Variants in KIAA1217 observed in about 807,000 individuals in gnomAD.
The protein encoded by KIAA1217 is KIAA1217, also known as sickle tail protein homolog.
KIAA1217 carries 88 observed loss-of-function variants against 163.9 expected under a neutral mutation model. That is an observed-to-expected ratio of 0.54 (90% CI 0.45 to 0.64). KIAA1217 has a LOEUF of 0.64. KIAA1217 is among the 30% of genes least tolerant of loss of function. The probability of loss-of-function intolerance (pLI) is 0.00; values close to 1 mark genes in which losing one functional copy is unlikely to be tolerated. For synonymous variants in KIAA1217, 903 were observed against 923.1 expected (o/e 0.98, Z 0.39); for missense variants, 2,372 against 2,475.0 (o/e 0.96, Z 0.88).
chr10:24,479,740 C>T (rs999915336), intron 6 of KIAA1217, among the ~76,000 whole-genome samples: 2 of 152,164 alleles, frequency 1.3e-5, no homozygotes, highest in African/African-American at 4.8e-5. Flanking sequence ...TTTTGTGCTG[C>T]ATCATAGCAT....
At chr10:24,427,109 CT>C (rs1429998094) in intron 3 of KIAA1217, among the ~76,000 whole-genome samples, 1 of 152,040 alleles carries the variant, frequency 6.6e-6, no homozygotes, top group Non-Finnish European at 1.5e-5. Context: ...TGAAAGAACC[CT>C]TCAGTGTTCA....
chr10:24,543,865 A>G lies in KIAA1217; in HGVS notation c.4595A>G (p.Asn1532Ser). Reference sequence around the variant, plus strand: ...CACTCCCTGGCCACAGAGACCAGAAACCCAGGAGGACAGGAAATGAACAGA... The same window carrying G: ...CACTCCCTGGCCACAGAGACCAGAAGCCCAGGAGGACAGGAAATGAACAGA... The part of the protein sequence containing the change: ...QPHSLATETR[N>S]PGGQEMNRTE... The change falls in exon 19 of 21, where the codon AAC becomes AGC. Residue 1532 changes from asparagine (N) to serine (S), a missense_variant. Physicochemically the swap from Asn to Ser is conservative, Grantham distance 46. Around this residue, in one of 3 missense-constraint regions of KIAA1217, gnomAD observed 690 missense variants for 677.5 expected, o/e 1.02. Coordinates refer to ENST00000376454, the MANE Select transcript of KIAA1217 (RefSeq NM_019590.5). 1.2e-6 allele frequency: 2 copies of G among 1,614,106 alleles called. No homozygotes were observed. The highest frequency in any genetic ancestry group is 1.7e-6 in the Non-Finnish European group (2 of 1,180,030).
chr10:24,291,783 G>A (rs76819085), intron 2 of KIAA1217, among the ~76,000 whole-genome samples: 2,508 of 152,114 alleles, frequency 0.016, 63 homozygotes, highest in African/African-American at 0.057. Flanking sequence ...AAAATCTAAG[G>A]ATTACATTTC....
At chr10:24,405,540 C>G (rs2057115306) in intron 3 of KIAA1217, among the ~76,000 whole-genome samples, 2 of 152,114 alleles carry the variant, frequency 1.3e-5, no homozygotes, top group Non-Finnish European at 2.9e-5. Context: ...TAAAAGTCCT[C>G]CTATTTTCTA....
At chr10:24,134,329 G>C (rs2063759186) in intron 2 of KIAA1217, among the ~76,000 whole-genome samples, 1 of 152,180 alleles carries the variant, frequency 6.6e-6, no homozygotes, top group Non-Finnish European at 1.5e-5. Context: ...AGAGCAATTA[G>C]TTCCATTTGG....
At chr10:24,455,580 A>C (rs1290298856) in intron 5 of KIAA1217, among the ~76,000 whole-genome samples, 2 of 152,222 alleles carry the variant, frequency 1.3e-5, no homozygotes, top group Non-Finnish European at 2.9e-5. Context: ...CTAAACACAT[A>C]TCTTGAGCTA....
At chr10:24,073,904 T>C (rs917648077) in intron 2 of KIAA1217, among the ~76,000 whole-genome samples, 6 of 152,036 alleles carry the variant, frequency 3.9e-5, no homozygotes, top group African/African-American at 1.2e-4. Context: ...GTTTCTGTAG[T>C]AGGTGGGGAG....
intron 1 of KIAA1217, among the ~76,000 whole-genome samples, chr10:23,965,344 G>T (rs545554321): frequency 1.3e-5 from 2 of 152,348 alleles, no homozygotes; most frequent in Admixed American, 1.3e-4. Context: ...CTAACTGAGT[G>T]CAGTCTCACT....
At chr10:24,278,169 C>CTA (rs2077517453) in intron 2 of KIAA1217, among the ~76,000 whole-genome samples, 1 of 152,184 alleles carries the variant, frequency 6.6e-6, no homozygotes, top group Non-Finnish European at 1.5e-5. Flanking sequence ...TGGAGAAGCA[C>CTA]ATTACAGCCA....
chr10:23,716,847 C>A lies in KIAA1217; in HGVS notation c.-321+21613C>A, dbSNP rs78885034. On this transcript the variant is annotated intron_variant, in intron 1 of 18. Transcript: ENST00000376462. ...AATTATTGCTTTATAAAGTAGACCC[C>A]AATTTACTACATCACGTTTTTTCTT... is the stretch of plus-strand genomic sequence containing the variant. Among the ~76,000 whole-genome samples, 469 of 152,228 alleles carry A rather than the reference C, an allele frequency of 3.1e-3. 17 individuals carry two copies. The East Asian group carries it at 0.082, about 27-fold the overall frequency.
chr10:24,545,897 T>C lies in KIAA1217; in HGVS notation c.5405T>C (p.Ile1802Thr), dbSNP rs1433162282. The change falls in exon 21 of 21, where the codon ATT (isoleucine) becomes ACT (threonine). Residue 1802 changes from isoleucine (I) to threonine (T), a missense_variant. Physicochemically the swap from Ile to Thr is moderately conservative, Grantham distance 89. This residue lies in a region of KIAA1217 where 690 missense variants were observed against 677.5 expected (regional missense o/e 1.02). Coordinates refer to ENST00000376454, the MANE Select transcript of KIAA1217 (RefSeq NM_019590.5). ...PTSPSLPASK[I>T]PALSPSSGKS... ...TCCCCCTCCTTACCTGCTTCTAAGA[T>C]TCCAGCCCTTTCTCCCAGCTCTGGG... 1.9e-6 allele frequency: 3 copies of C among 1,614,082 alleles called. No homozygotes were observed. Among genetic ancestry groups the C allele is most frequent in the African/African-American group, 2.7e-5 (2 of 75,030 alleles).
intron 2 of KIAA1217, among the ~76,000 whole-genome samples, chr10:24,312,304 A>G (rs1193397967): frequency 6.6e-6 from 1 of 150,528 alleles, no homozygotes; most frequent in Non-Finnish European, 1.5e-5. Context: ...TTCATGTCAT[A>G]GATTTAAAAA....
chr10:23,812,249 G>C (rs1837099296), intron 1 of KIAA1217, among the ~76,000 whole-genome samples: 1 of 152,104 alleles, frequency 6.6e-6, no homozygotes, highest in African/African-American at 2.4e-5. Context: ...AGTAAGAAAT[G>C]ATAATACACA....
chr10:23,853,118 T>C (rs1202069679), intron 1 of KIAA1217, among the ~76,000 whole-genome samples: 1 of 152,206 alleles, frequency 6.6e-6, no homozygotes, highest in Non-Finnish European at 1.5e-5. Flanking sequence ...GCTTCCACTT[T>C]TTGCTCATTC....
intron 2 of KIAA1217, among the ~76,000 whole-genome samples, chr10:24,134,102 T>C (rs964264544): frequency 6.6e-6 from 1 of 152,168 alleles, no homozygotes; most frequent in Non-Finnish European, 1.5e-5. Context: ...GAAATAGACG[T>C]CATTTGCTTC....
At position 24,546,097 on chromosome 10, in the gene KIAA1217, C is replaced by T. The variant is rs1240330438; in HGVS notation, c.5605C>T (p.His1869Tyr). The T allele has an allele frequency of 1.2e-6, 2 of 1,614,200 alleles. No homozygotes were observed. Among genetic ancestry groups the T allele is most frequent in the African/African-American group, 1.3e-5 (1 of 75,052 alleles). The change falls in exon 21 of 21, where the codon CAT (histidine) becomes TAT (tyrosine). Residue 1869 changes from histidine (H) to tyrosine (Y), a missense_variant. Physicochemically the swap from His to Tyr is moderately conservative, Grantham distance 83. This residue lies in a region of KIAA1217 where 690 missense variants were observed against 677.5 expected (regional missense o/e 1.02). Coordinates refer to ENST00000376454, the MANE Select transcript of KIAA1217 (RefSeq NM_019590.5). The part of the protein sequence containing the change: ...NGSLKFQSLT[H>Y]TGKGHHLSFS... Reference sequence around the variant, plus strand: ...CTCTTTGAAGTTTCAGAGCCTCACTCATACAGGTAAAGGTCACCATCTTTC... The same window carrying T: ...CTCTTTGAAGTTTCAGAGCCTCACTTATACAGGTAAAGGTCACCATCTTTC...
intron 1 of KIAA1217, among the ~76,000 whole-genome samples, chr10:23,977,013 T>C (rs1845570666): frequency 6.6e-6 from 1 of 152,198 alleles, no homozygotes; most frequent in African/African-American, 2.4e-5. Context: ...TTAAAGATGA[T>C]TATGACTTTT....
At chr10:23,770,576 C>G (rs1259072248) in intron 1 of KIAA1217, among the ~76,000 whole-genome samples, 1 of 152,052 alleles carries the variant, frequency 6.6e-6, no homozygotes, top group Non-Finnish European at 1.5e-5. Flanking sequence ...ATGGAGAAGA[C>G]CCTGGAAGAG....
intron 9 of KIAA1217, among the ~76,000 whole-genome samples, chr10:24,509,267 G>A (rs1270007666): frequency 6.6e-6 from 1 of 152,196 alleles, no homozygotes; most frequent in Non-Finnish European, 1.5e-5. Flanking sequence ...CAGACAGGGA[G>A]GGCAGGGGGA....
Sources: allele counts gnomAD v4.1 joint callset (sites outside exome capture counted in the v4.1 genomes callset), GRCh38; gene constraint gnomAD v4.1.1; regional missense constraint gnomAD v4.1.1; transcripts MANE v1.5; gene names NCBI Gene and HGNC (gene_info 2026-07-23, HGNC 2026-07-21).